Variants in RFX7 observed in about 807,000 individuals in gnomAD.
RFX7 encodes DNA-binding protein RFX7.
RFX7 carries 26 observed loss-of-function variants against 111.8 expected under a neutral mutation model. The observed-to-expected ratio is 0.23, with a 90% CI of 0.17 to 0.32. The LOEUF is 0.32. Among genes scored for constraint, RFX7 ranks in the 10% least tolerant of loss-of-function variants. The pLI is 1.00. For missense variants in RFX7, 1,573 were observed against 1,772.9 expected (o/e 0.89, Z 2.02); for synonymous variants, 624 against 624.4 (o/e 1.00, Z 0.01).
Position 56,092,482 on chromosome 15 carries a change from TAA to T in RFX7, c.*861_*862del, listed in dbSNP as rs1212087760. 3.3e-5 allele frequency: 5 copies of T among 152,182 alleles called. No homozygotes were observed. Among genetic ancestry groups the T allele is most frequent in the Non-Finnish European group, 7.4e-5 (5 of 68,006 alleles). The allele number at this position is 152,182 out of a possible 1,614,324, so 9.4% of individuals were successfully genotyped here. ...GTACATGCAGCCATTGTGATGAAAC[TAA>T]GAGAATGCTTTTGTTTTCCTTCTCA... On this transcript the variant is annotated 3_prime_UTR_variant, in exon 10 of 10. Coordinates refer to ENST00000559447, the MANE Select transcript of RFX7 (RefSeq NM_022841.7).
At chr15:56,217,408 G>A (rs1468727251) in intron 2 of RFX7, among the ~76,000 whole-genome samples, 2 of 151,346 alleles carry the variant, frequency 1.3e-5, no homozygotes, top group East Asian at 3.9e-4. Flanking sequence ...ACTGTAAGGG[G>A]CTGTTACAAC....
At chr15:56,197,269 A>T (rs1487605088) in intron 2 of RFX7, among the ~76,000 whole-genome samples, 5 of 152,062 alleles carry the variant, frequency 3.3e-5, no homozygotes, top group African/African-American at 1.2e-4. Context: ...TTTAGATACT[A>T]ATCTTTTGTC....
At chr15:56,233,425 T>C (rs559242788) in intron 2 of RFX7, among the ~76,000 whole-genome samples, 54 of 152,258 alleles carry the variant, frequency 3.5e-4, no homozygotes, top group Non-Finnish European at 6.5e-4. Context: ...GTGGGAATTA[T>C]GGGAGCTACA....
chr15:56,105,084 A>G (rs1464197516), intron 5 of RFX7, among the ~76,000 whole-genome samples: 1 of 152,188 alleles, frequency 6.6e-6, no homozygotes, highest in Non-Finnish European at 1.5e-5. Flanking sequence ...TCAAACCGGC[A>G]CAAAAAGAAA....
At chr15:56,220,230 CATTTT>C (rs1377407932) in intron 2 of RFX7, among the ~76,000 whole-genome samples, 1 of 151,846 alleles carries the variant, frequency 6.6e-6, no homozygotes, top group Non-Finnish European at 1.5e-5. Context: ...TATTTTATTT[CATTTT>C]ATTTATTTTT....
intron 2 of RFX7, among the ~76,000 whole-genome samples, chr15:56,191,894 C>A (rs1309877821): frequency 1.3e-5 from 2 of 152,090 alleles, no homozygotes; most frequent in Non-Finnish European, 2.9e-5. Context: ...GCAAAATGTT[C>A]TCATAAAGGC....
rs2041657005 is a variant in RFX7 at position 56,095,244 on chromosome 15, C to T, written c.2484G>A (p.Gln828=). 6.2e-7 allele frequency: 1 copy of T among 1,613,694 alleles called. No homozygotes were observed. The highest frequency in any genetic ancestry group is 8.5e-7 in the Non-Finnish European group (1 of 1,179,770). The change falls in exon 10 of 10, where the codon CAG becomes CAA. Residue 828 remains glutamine, a synonymous_variant. Coordinates refer to ENST00000559447, the MANE Select transcript of RFX7 (RefSeq NM_022841.7). The part of the protein sequence containing the change: ...KSVWELEGMP[Q]DTYSQQLHSQ... The stretch of plus-strand genomic sequence containing the variant: ...TATGTAGCTGCTGGCTATATGTGTC[C>T]TGTGGCATTCCTTCTAATTCCCAAA...
At chr15:56,227,214 T>C (rs1159498100) in intron 2 of RFX7, among the ~76,000 whole-genome samples, 4 of 152,224 alleles carry the variant, frequency 2.6e-5, no homozygotes, top group Admixed American at 6.5e-5. Context: ...TCATGAAATA[T>C]ATTACAAGTA....
intron 3 of RFX7, among the ~76,000 whole-genome samples, chr15:56,168,450 C>T (rs2042807586): frequency 1.3e-5 from 2 of 152,284 alleles, no homozygotes; most frequent in South Asian, 4.1e-4. Context: ...CCAGCCCTTA[C>T]TTCCAAAACT....
chr15:56,214,284 T>C (rs1428264053), intron 2 of RFX7, among the ~76,000 whole-genome samples: 2 of 152,236 alleles, frequency 1.3e-5, no homozygotes, highest in South Asian at 2.1e-4. Context: ...TTTTGAAAAA[T>C]ATTTTGATTA....
intron 2 of RFX7, among the ~76,000 whole-genome samples, chr15:56,191,450 C>T (rs2043099676): frequency 1.3e-5 from 2 of 152,136 alleles, no homozygotes; most frequent in South Asian, 4.1e-4. Flanking sequence ...GAAAGATATG[C>T]ACAAAAATAC....
intron 5 of RFX7, among the ~76,000 whole-genome samples, chr15:56,122,175 A>C (rs1276814518): frequency 6.6e-6 from 1 of 152,136 alleles, no homozygotes; most frequent in Non-Finnish European, 1.5e-5. Context: ...AAGACTTTGC[A>C]GGTATTCGAA....
rs182580343 is a variant in RFX7, at chr15:56,112,155, C to G, written c.402-8485G>C. Among the ~76,000 whole-genome samples the G allele has an allele frequency of 8.6e-4, 131 of 151,470 alleles. 1 individual carries two copies. Among genetic ancestry groups the G allele is most frequent in the African/African-American group, 3.0e-3 (123 of 41,400 alleles). On this transcript the variant is annotated intron_variant, in intron 5 of 9. Coordinates refer to ENST00000559447, the MANE Select transcript of RFX7 (RefSeq NM_022841.7). ...AAAAGAATCACTAACCTGGTTCAGCCTTTTCATTTGGCAGATGAGAAAACT... is the reference window on the plus strand; with the variant it reads ...AAAAGAATCACTAACCTGGTTCAGCGTTTTCATTTGGCAGATGAGAAAACT...
intron 2 of RFX7, among the ~76,000 whole-genome samples, chr15:56,185,591 A>G (rs965714490): frequency 6.6e-6 from 1 of 152,192 alleles, no homozygotes; most frequent in Admixed American, 6.5e-5. Flanking sequence ...CTATATAAAT[A>G]AGACTATAAT....
chr15:56,098,157 A>C lies in RFX7; in HGVS notation c.1031T>G (p.Leu344Arg), dbSNP rs778770338. The change falls in exon 9 of 10, where the codon CTT becomes CGT. Residue 344 changes from leucine (L) to arginine (R), a missense_variant. Around this residue, in one of 7 missense-constraint regions of RFX7, gnomAD observed 288 missense variants for 337.9 expected, o/e 0.85. Coordinates refer to ENST00000559447, the MANE Select transcript of RFX7 (RefSeq NM_022841.7). ...ESATSNGVTN[L>R]PNGNPSILSP... Reference sequence around the variant, plus strand: ...AAGGATTGAAGGATTTCCATTAGGAAGATTAGTCACTCCATTGCTTGTAGC... The same window carrying C: ...AAGGATTGAAGGATTTCCATTAGGACGATTAGTCACTCCATTGCTTGTAGC... 3.1e-6 allele frequency: 5 copies of C among 1,613,934 alleles called. No homozygotes were observed. In the South Asian group the frequency reaches 3.3e-5, roughly 11 times the overall value.
chr15:56,225,682 T>C (rs76911143), intron 2 of RFX7, among the ~76,000 whole-genome samples: 4,277 of 152,236 alleles, frequency 0.028, 197 homozygotes, highest in African/African-American at 0.097. Flanking sequence ...CTGCAACAGG[T>C]TGAAATTTGG....
intron 5 of RFX7, among the ~76,000 whole-genome samples, chr15:56,122,528 G>A (rs769139821): frequency 1.3e-5 from 2 of 152,090 alleles, no homozygotes; most frequent in African/African-American, 2.4e-5. Flanking sequence ...CTGTTACCAC[G>A]ACAGGGCTAC....
intron 1 of RFX7, 36 bp downstream of exon 1, chr15:56,243,400 AGAGGAGGAG>A: frequency 4.4e-6 from 4 of 915,332 alleles, no homozygotes; most frequent in Non-Finnish European, 2.8e-6. Flanking sequence ...GGGGAGGGGA[AGAGGAGGAG>A]GAGGAGGAAG....
In RFX7 at chr15:56,087,974, A is replaced by G. The variant is rs377026227; in HGVS notation, c.*5371T>C. The G allele has an allele frequency of 7.3e-4, 263 of 361,922 alleles. No individual in the cohort carries two copies. The highest frequency in any genetic ancestry group is 5.5e-3 in the African/African-American group (251 of 45,616). 22.4% of individuals were successfully genotyped at this position (361,922 alleles called of 1,614,324 possible). A position where few individuals can be genotyped will look rare whatever the true frequency, so the allele number is the denominator to read the frequency against. The stretch of plus-strand genomic sequence containing the variant: ...TTTGTTTTTAAATCTTCATTCTCCT[A>G]ATACATCAGGGTATTTCTATGGAGA... On this transcript the variant is annotated 3_prime_UTR_variant, in exon 10 of 10. Coordinates refer to ENST00000559447, the MANE Select transcript of RFX7 (RefSeq NM_022841.7).
Sources: allele counts gnomAD v4.1 joint callset (sites outside exome capture counted in the v4.1 genomes callset), GRCh38; gene constraint gnomAD v4.1.1; regional missense constraint gnomAD v4.1.1; transcripts MANE v1.5; gene names NCBI Gene and HGNC (gene_info 2026-07-23, HGNC 2026-07-21).